Variants in SNX6 observed in about 807,000 individuals in gnomAD.
SNX6 encodes sorting nexin-6.
A neutral mutation model predicts 63.0 loss-of-function variants in SNX6; 34 were observed. The ratio of observed to expected loss-of-function variants is 0.54; its 90% CI spans 0.41 to 0.72. The LOEUF (loss-of-function observed/expected upper bound fraction) is 0.72, where lower values mean the gene tolerates loss of function less well. Among genes scored for constraint, SNX6 ranks in the 30% least tolerant of loss-of-function variants. The pLI, the probability that SNX6 is intolerant of heterozygous loss-of-function variation, is 0.00. For synonymous variants in SNX6, 170 were observed against 164.2 expected (o/e 1.04, Z -0.27); for missense variants, 398 against 471.4 (o/e 0.84, Z 1.44).
chr14:34,600,004 T>C (rs1482586746), intron 6 of SNX6, among the ~76,000 whole-genome samples: 1 of 152,202 alleles, frequency 6.6e-6, no homozygotes, highest in East Asian at 1.9e-4. Flanking sequence ...AAAGTCTTCA[T>C]CATCTCTTTC....
intron 10 of SNX6, among the ~76,000 whole-genome samples, chr14:34,578,988 C>CACCT (rs1881831522): frequency 1.3e-5 from 1 of 78,064 alleles, no homozygotes; most frequent in African/African-American, 3.8e-5. Context: ...AACAACTATA[C>CACCT]ACCTACCAGA....
chr14:34,584,486 C>T (rs576474879), intron 9 of SNX6, among the ~76,000 whole-genome samples: 2 of 151,728 alleles, frequency 1.3e-5, no homozygotes, highest in South Asian at 2.1e-4. Flanking sequence ...TTAGAGAACA[C>T]GCCACTGCAC....
At chr14:34,573,969 G>C (rs1228904685) in intron 11 of SNX6, among the ~76,000 whole-genome samples, 1 of 151,870 alleles carries the variant, frequency 6.6e-6, no homozygotes, top group Non-Finnish European at 1.5e-5. Context: ...GGAAACATGA[G>C]TTGCCTTATA....
At chr14:34,573,622 GCTTT>G (rs1566466212) in intron 11 of SNX6, among the ~76,000 whole-genome samples, 1 of 151,392 alleles carries the variant, frequency 6.6e-6, no homozygotes, top group East Asian at 1.9e-4. Flanking sequence ...CTTGCACACA[GCTTT>G]TTTTTTTTAA....
At chr14:34,627,958 T>C (rs1883893377) in intron 2 of SNX6, among the ~76,000 whole-genome samples, 1 of 152,232 alleles carries the variant, frequency 6.6e-6, no homozygotes, top group Non-Finnish European at 1.5e-5. Flanking sequence ...TAATTCTATA[T>C]GATGCTTTTG....
At chr14:34,584,355 G>A (rs1210279024) in intron 9 of SNX6, among the ~76,000 whole-genome samples, 1 of 150,408 alleles carries the variant, frequency 6.6e-6, no homozygotes, top group African/African-American at 2.4e-5. Flanking sequence ...AGGCTGGGGT[G>A]CAGTGGTGTG....
intron 9 of SNX6, 110 bp from the exon 10 acceptor site, chr14:34,581,710 TTA>T (rs1881943194): frequency 3.4e-6 from 2 of 585,192 alleles, no homozygotes; most frequent in Admixed American, 4.8e-5. Flanking sequence ...CTCATTGCAG[TTA>T]TATTCAATAG....
At chr14:34,573,898 C>T (rs1881567266) in intron 11 of SNX6, among the ~76,000 whole-genome samples, 1 of 151,950 alleles carries the variant, frequency 6.6e-6, no homozygotes, top group South Asian at 2.1e-4. Flanking sequence ...TCCTCAGCCT[C>T]TCAAAGTGCT....
At chr14:34,598,254 G>A (rs1371315238) in intron 6 of SNX6, among the ~76,000 whole-genome samples, 4 of 152,092 alleles carry the variant, frequency 2.6e-5, no homozygotes, top group African/African-American at 9.7e-5. Flanking sequence ...CTGTATCAGG[G>A]TGCCCCATAA....
At chr14:34,595,221 G>C (rs1178522982) in intron 7 of SNX6, among the ~76,000 whole-genome samples, 2 of 152,068 alleles carry the variant, frequency 1.3e-5, no homozygotes, top group Non-Finnish European at 2.9e-5. Flanking sequence ...TGCAACCTCT[G>C]CCTCCGGGGT....
chr14:34,600,395 G>GA (rs1882763766), intron 6 of SNX6, among the ~76,000 whole-genome samples: 1 of 151,874 alleles, frequency 6.6e-6, no homozygotes, highest in African/African-American at 2.4e-5. Flanking sequence ...CAAGTGTTGG[G>GA]ATTACAGGAA....
intron 9 of SNX6, among the ~76,000 whole-genome samples, chr14:34,582,130 A>ATTT (rs1289997311): frequency 2.6e-5 from 3 of 115,398 alleles, no homozygotes; most frequent in Non-Finnish European, 3.5e-5. Flanking sequence ...CCCGGCCCTG[A>ATTT]TTTTTTTTTT....
Position 34,625,445 on chromosome 14 carries a change from G to A in SNX6, c.54+4462C>T, listed in dbSNP as rs551166956. 2.6e-5 allele frequency among the ~76,000 whole-genome samples: 4 copies of A among 152,182 alleles called. No individual in the cohort carries two copies. In the East Asian group the frequency reaches 7.8e-4, roughly 29 times the overall value. The stretch of plus-strand genomic sequence containing the variant: ...TCCTTGGGTGCTGGTCAAAAAAGCA[G>A]TTATCGGCCGGGCGCGGTGGCTCAC... On this transcript the variant is annotated intron_variant, in intron 2 of 13. Coordinates refer to ENST00000362031, the MANE Select transcript of SNX6 (RefSeq NM_152233.4).
chr14:34,617,549 C>T (rs555213452), intron 2 of SNX6, among the ~76,000 whole-genome samples: 16 of 140,424 alleles, frequency 1.1e-4, no homozygotes, highest in Admixed American at 1.0e-3. Flanking sequence ...CTGAGGCTGC[C>T]GTGGGCTGTG....
At chr14:34,627,452 T>A (rs1337529967) in intron 2 of SNX6, among the ~76,000 whole-genome samples, 14 of 148,612 alleles carry the variant, frequency 9.4e-5, no homozygotes, top group African/African-American at 3.5e-4. Flanking sequence ...AGACTCCGTT[T>A]CAAAAAAAAA....
chr14:34,568,083 G>C, intron 11 of SNX6, 70 bp from the exon 12 acceptor site: 2 of 1,280,884 alleles, frequency 1.6e-6, no homozygotes, highest in Non-Finnish European at 2.2e-6. Context: ...AGCCACCACT[G>C]TCACCACCAC....
At chr14:34,592,970 C>G in intron 8 of SNX6, 75 bp downstream of exon 8, 1 of 1,101,740 alleles carries the variant, frequency 9.1e-7, no homozygotes, top group Non-Finnish European at 1.3e-6. Flanking sequence ...TATATTAAGA[C>G]TTTTTCAAAC....
intron 4 of SNX6, among the ~76,000 whole-genome samples, chr14:34,607,296 A>T (rs1473253483): frequency 6.6e-6 from 1 of 152,148 alleles, no homozygotes; most frequent in Admixed American, 6.6e-5. Flanking sequence ...GCGGCGTTTC[A>T]TAACTGACAA....
At chr14:34,599,606 TAA>T (rs143732306) in intron 6 of SNX6, among the ~76,000 whole-genome samples, 33 of 123,346 alleles carry the variant, frequency 2.7e-4, no homozygotes, top group Non-Finnish European at 2.4e-4. Context: ...AAACTCTGTC[TAA>T]AAAAAAAAAA....
Sources: allele counts gnomAD v4.1 joint callset (sites outside exome capture counted in the v4.1 genomes callset), GRCh38; gene constraint gnomAD v4.1.1; transcripts MANE v1.5; gene names NCBI Gene and HGNC (gene_info 2026-07-23, HGNC 2026-07-21).